The following PPP2R5E variants were observed in gnomAD, a reference collection of about 807,000 sequenced individuals.
PPP2R5E encodes the protein serine/threonine-protein phosphatase 2A 56 kDa regulatory subunit epsilon isoform.
A neutral mutation model predicts 65.3 loss-of-function variants in PPP2R5E; 4 were observed. The observed-to-expected ratio is 0.06, with a 90% CI of 0.03 to 0.14. The LOEUF is 0.14. Ranked by LOEUF, PPP2R5E falls within the 10% of genes least tolerant of loss-of-function variation. The probability of loss-of-function intolerance (pLI) is 1.00; values close to 1 mark genes in which losing one functional copy is unlikely to be tolerated. For synonymous variants in PPP2R5E, 183 were observed against 187.4 expected (o/e 0.98, Z 0.19); for missense variants, 274 against 556.1 (o/e 0.49, Z 5.10).
At chr14:63,440,196 G>C (rs1233667402) in intron 3 of PPP2R5E, among the ~76,000 whole-genome samples, 6 of 152,188 alleles carry the variant, frequency 3.9e-5, no homozygotes, top group African/African-American at 9.7e-5. Flanking sequence ...GGGTGGAAGA[G>C]AGAGAGGGGT....
At chr14:63,494,139 G>A (rs1475916511) in intron 2 of PPP2R5E, among the ~76,000 whole-genome samples, 1 of 152,142 alleles carries the variant, frequency 6.6e-6, no homozygotes, top group Non-Finnish European at 1.5e-5. Context: ...GTTTACAACA[G>A]CAGTAAAATA....
intron 5 of PPP2R5E, among the ~76,000 whole-genome samples, chr14:63,397,502 T>TAAA (rs1163450765): frequency 3.9e-4 from 24 of 62,284 alleles, no homozygotes; most frequent in Non-Finnish European, 6.6e-4. Context: ...ATTCGGTCTT[T>TAAA]AAAAAAAAAA....
chr14:63,538,694 C>T (rs1396429766), intron 2 of PPP2R5E, among the ~76,000 whole-genome samples: 1 of 151,750 alleles, frequency 6.6e-6, no homozygotes, highest in African/African-American at 2.4e-5. Context: ...CCTGTAATCC[C>T]AGCACTTTGG....
intron 2 of PPP2R5E, among the ~76,000 whole-genome samples, chr14:63,472,867 G>C (rs1594913771): frequency 6.6e-6 from 1 of 152,360 alleles, no homozygotes; most frequent in East Asian, 1.9e-4. Context: ...TCATGTGGCT[G>C]ACAACACAGA....
intron 3 of PPP2R5E, among the ~76,000 whole-genome samples, chr14:63,449,316 T>C (rs893161287): frequency 6.6e-6 from 1 of 152,224 alleles, no homozygotes; most frequent in Non-Finnish European, 1.5e-5. Flanking sequence ...GTATTTTAAG[T>C]ACAAAGAAGT....
chr14:63,428,131 T>C (rs968348365), intron 3 of PPP2R5E, among the ~76,000 whole-genome samples: 2 of 152,136 alleles, frequency 1.3e-5, no homozygotes, highest in South Asian at 4.2e-4. Flanking sequence ...ACTATAACGA[T>C]CTCTCATCCC....
intron 2 of PPP2R5E, among the ~76,000 whole-genome samples, chr14:63,527,055 G>C (rs1289434061): frequency 2.0e-5 from 3 of 152,190 alleles, no homozygotes; most frequent in Non-Finnish European, 4.4e-5. Context: ...TGTAATCCCA[G>C]CTACTCGGGA....
In PPP2R5E at chr14:63,539,580, A is replaced by T. The variant is rs1893804897; in HGVS notation, c.106T>A (p.Phe36Ile). Residue 36 changes from phenylalanine to isoleucine, a missense_variant, in exon 2 of 14, where the codon TTT becomes ATT. By Grantham distance (21) the Phe-to-Ile change is conservative. Transcript: ENST00000337537. ...RQKRSQSSSQ[F>I]RSQGKPIELT... ...TCAATAGGCTTGCCTTGAGACCTAA[A>T]CTGTGAGGAACTTTGCGACCTCTTC... 6.2e-7 allele frequency: 1 copy of T among 1,613,980 alleles called. No homozygotes were observed. Among genetic ancestry groups the T allele is most frequent in the African/African-American group, 1.3e-5 (1 of 74,922 alleles).
intron 2 of PPP2R5E, among the ~76,000 whole-genome samples, chr14:63,500,469 A>C (rs1275339166): frequency 1.3e-5 from 2 of 152,236 alleles, no homozygotes; most frequent in African/African-American, 4.8e-5. Context: ...ATTTAGGACA[A>C]AATAATAAAA....
chr14:63,372,814 G>A lies in PPP2R5E; in HGVS notation c.*3195C>T, dbSNP rs1472512438. On this transcript the variant is annotated 3_prime_UTR_variant, in exon 14 of 14. Coordinates refer to ENST00000337537, the MANE Select transcript of PPP2R5E (RefSeq NM_006246.5). ...TGCACCCTGGACTATCCCACGCATA[G>A]GAGGTACAAAATAAATTAAACCCTT... The A allele has an allele frequency of 1.3e-5, 2 of 152,146 alleles. No individual in the cohort carries two copies. The highest frequency in any genetic ancestry group is 2.9e-5 in the Non-Finnish European group (2 of 68,028). 9.4% of individuals were successfully genotyped at this position (152,146 alleles called of 1,614,324 possible).
intron 2 of PPP2R5E, among the ~76,000 whole-genome samples, chr14:63,519,112 G>A (rs1316023248): frequency 6.6e-6 from 1 of 152,112 alleles, no homozygotes; most frequent in African/African-American, 2.4e-5. Flanking sequence ...TACTTGGGAG[G>A]GTGGGGCAGG....
intron 3 of PPP2R5E, among the ~76,000 whole-genome samples, chr14:63,448,149 T>C (rs1051765512): frequency 3.3e-5 from 5 of 151,452 alleles, no homozygotes; most frequent in African/African-American, 1.2e-4. Flanking sequence ...TACAAAAAAT[T>C]AGCCAGGCGT....
At chr14:63,531,612 T>C (rs772054181) in intron 2 of PPP2R5E, among the ~76,000 whole-genome samples, 4 of 152,130 alleles carry the variant, frequency 2.6e-5, no homozygotes, top group Non-Finnish European at 2.9e-5. Context: ...TATTAACATA[T>C]AGATGTTCTT....
At chr14:63,376,599 T>C (rs1425236994) in intron 13 of PPP2R5E, among the ~76,000 whole-genome samples, 1 of 152,200 alleles carries the variant, frequency 6.6e-6, no homozygotes, top group African/African-American at 2.4e-5. Context: ...TTTCACTGAT[T>C]TTAAATTTAG....
rs1453819877 is a variant in PPP2R5E, at chr14:63,393,945, G to C, written c.741-17C>G. The C allele has an allele frequency of 2.8e-6, 4 of 1,446,600 alleles. No individual in the cohort carries two copies. Among genetic ancestry groups the C allele is most frequent in the Non-Finnish European group, 3.9e-6 (4 of 1,030,540 alleles). 89.6% of individuals were successfully genotyped at this position (1,446,600 alleles called of 1,614,324 possible). ...TTGATAATACTAGGGAGAAAAAAGA[G>C]ACACAAATTAGCAATGTTACCACAA... On this transcript the variant is annotated splice_polypyrimidine_tract_variant and intron_variant, in intron 7 of 13. Transcript: ENST00000337537.
intron 2 of PPP2R5E, among the ~76,000 whole-genome samples, chr14:63,527,641 A>AAGTC (rs1293094630): frequency 1.2e-4 from 18 of 152,268 alleles, no homozygotes. Context: ...CAAGGCTTAG[A>AAGTC]AGTCAGCTCC....
chr14:63,402,888 T>C (rs1885837079), intron 5 of PPP2R5E, among the ~76,000 whole-genome samples: 3 of 152,308 alleles, frequency 2.0e-5, no homozygotes, highest in African/African-American at 7.2e-5. Flanking sequence ...AATATAGATA[T>C]GGTCCATTAA....
chr14:63,453,551 C>T (rs986198347), intron 3 of PPP2R5E, 138 bp downstream of exon 3: 5 of 732,870 alleles, frequency 6.8e-6, no homozygotes, highest in Non-Finnish European at 1.1e-5. Context: ...ACTGTGCCGA[C>T]TACATTTGCT....
At chr14:63,407,510 A>C (rs1219929752) in intron 5 of PPP2R5E, among the ~76,000 whole-genome samples, 5 of 152,046 alleles carry the variant, frequency 3.3e-5, no homozygotes, top group Non-Finnish European at 7.3e-5. Flanking sequence ...GTACTTGCAG[A>C]TGAAATTTTT....
Sources: allele counts gnomAD v4.1 joint callset (sites outside exome capture counted in the v4.1 genomes callset), GRCh38; gene constraint gnomAD v4.1.1; transcripts MANE v1.5; gene names NCBI Gene and HGNC (gene_info 2026-07-23, HGNC 2026-07-21).